Variants in SVOP observed in about 807,000 individuals in gnomAD.
SVOP encodes SV2 related protein.
SVOP carries 17 observed loss-of-function variants against 69.1 expected under a neutral mutation model. The observed-to-expected ratio is 0.25, with a 90% confidence interval of 0.17 to 0.37. SVOP has a LOEUF of 0.37. Among genes scored for constraint, SVOP ranks in the 10% least tolerant of loss-of-function variants. The pLI is 1.00. For missense variants in SVOP, 435 were observed against 597.5 expected (o/e 0.73, Z 2.84); for synonymous variants, 238 against 238.6 (o/e 1.00, Z 0.02).
At chr12:108,998,268 A>G (rs956749161) in intron 1 of SVOP, among the ~76,000 whole-genome samples, 2 of 151,354 alleles carry the variant, frequency 1.3e-5, no homozygotes, top group African/African-American at 4.8e-5. Context: ...AGAAAAAAGA[A>G]TAAAAAGAAA....
At chr12:108,926,176 C>T (rs985998166) in intron 11 of SVOP, among the ~76,000 whole-genome samples, 1 of 152,168 alleles carries the variant, frequency 6.6e-6, no homozygotes, top group Admixed American at 6.5e-5. Context: ...CCTCCTCGCC[C>T]TCCCAATTGC....
At chr12:108,936,670 T>A (rs952844438) in intron 10 of SVOP, among the ~76,000 whole-genome samples, 1 of 152,080 alleles carries the variant, frequency 6.6e-6, no homozygotes, top group African/African-American at 2.4e-5. Context: ...GAGACAGGGT[T>A]TTACCGTGTT....
At chr12:108,918,792 T>C (rs2039730021) in intron 13 of SVOP, among the ~76,000 whole-genome samples, 1 of 152,208 alleles carries the variant, frequency 6.6e-6, no homozygotes, top group South Asian at 2.1e-4. Context: ...TATAAATAGC[T>C]ACATTTATGA....
In SVOP at chr12:109,020,983, C is replaced by T; in HGVS notation, c.-115G>A. On this transcript the variant is annotated 5_prime_UTR_variant, in exon 1 of 16. Coordinates refer to ENST00000610966, the MANE Select transcript of SVOP (RefSeq NM_018711.5). ...GGACAGCACCCGCGCCGCTTCCTCC[C>T]TGGAGCAGCAGCTGTTCGGGGAGGG... The T allele has an allele frequency of 1.6e-6, 1 of 627,884 alleles. No individual in the cohort carries two copies. Among genetic ancestry groups the T allele is most frequent in the Non-Finnish European group, 2.9e-6 (1 of 339,226 alleles). The allele number at this position is 627,884 out of a possible 1,614,324, so 38.9% of individuals were successfully genotyped here.
At chr12:108,980,484 C>T (rs2040129337) in intron 2 of SVOP, among the ~76,000 whole-genome samples, 1 of 152,138 alleles carries the variant, frequency 6.6e-6, no homozygotes, top group South Asian at 2.1e-4. Context: ...TGTGGTGGCT[C>T]ACGCCTGAAA....
intron 6 of SVOP, among the ~76,000 whole-genome samples, chr12:108,959,895 C>T (rs2040007757): frequency 6.6e-6 from 1 of 152,236 alleles, no homozygotes; most frequent in Non-Finnish European, 1.5e-5. Flanking sequence ...TCCAGCTCCT[C>T]CACCACTTCC....
At chr12:108,990,715 A>C (rs2040195167) in intron 1 of SVOP, among the ~76,000 whole-genome samples, 1 of 152,104 alleles carries the variant, frequency 6.6e-6, no homozygotes, top group Non-Finnish European at 1.5e-5. Context: ...ATAAATAAAT[A>C]AACAAACAAA....
At chr12:109,002,691 A>T (rs2040279512) in intron 1 of SVOP, among the ~76,000 whole-genome samples, 1 of 151,850 alleles carries the variant, frequency 6.6e-6, no homozygotes, top group Admixed American at 6.6e-5. Context: ...CATCTTTCTC[A>T]GTAAACTACC....
intron 6 of SVOP, among the ~76,000 whole-genome samples, chr12:108,948,975 C>CA (rs1340102263): frequency 6.6e-6 from 1 of 152,130 alleles, no homozygotes; most frequent in Non-Finnish European, 1.5e-5. Flanking sequence ...AAATCGAAGT[C>CA]AAACTACTAA....
chr12:108,966,532 T>C (rs1389601738), intron 5 of SVOP, among the ~76,000 whole-genome samples: 3 of 93,248 alleles, frequency 3.2e-5, no homozygotes, highest in Non-Finnish European at 4.9e-5. Flanking sequence ...TTGCCAAGGC[T>C]TGCCAGCTGC....
chr12:108,912,818 T>C, intron 15 of SVOP, 77 bp from the exon 16 acceptor site: 1 of 1,401,068 alleles, frequency 7.1e-7, no homozygotes, highest in South Asian at 1.3e-5. Flanking sequence ...ATAGTATTAG[T>C]AACATCAGGC....
chr12:108,994,906 G>T (rs1311311086), intron 1 of SVOP, among the ~76,000 whole-genome samples: 1 of 152,180 alleles, frequency 6.6e-6, no homozygotes, highest in Non-Finnish European at 1.5e-5. Context: ...GGAGGCCAAG[G>T]TGAGAGAATT....
intron 6 of SVOP, among the ~76,000 whole-genome samples, chr12:108,960,320 A>G (rs1452878359): frequency 6.6e-6 from 1 of 152,272 alleles, no homozygotes; most frequent in African/African-American, 2.4e-5. Context: ...TCTCTGCTTC[A>G]GGGCCCATCA....
chr12:108,980,288 C>A (rs1039665348), intron 2 of SVOP, among the ~76,000 whole-genome samples: 1 of 152,088 alleles, frequency 6.6e-6, no homozygotes, highest in African/African-American at 2.4e-5. Flanking sequence ...TGGTGAAATC[C>A]GAATAAAGTC....
intron 4 of SVOP, 29 bp downstream of exon 4, chr12:108,977,369 C>T: frequency 6.5e-7 from 1 of 1,536,124 alleles, no homozygotes; most frequent in South Asian, 1.2e-5. Flanking sequence ...GAACTGTATG[C>T]AACAGAAGGG....
intron 1 of SVOP, among the ~76,000 whole-genome samples, chr12:108,996,042 AG>A (rs1271164716): frequency 6.6e-6 from 1 of 152,182 alleles, no homozygotes; most frequent in Non-Finnish European, 1.5e-5. Context: ...AAGGGTCAAC[AG>A]GGCAAGATTG....
At chr12:108,914,318 A>C (rs1262649159) in intron 15 of SVOP, among the ~76,000 whole-genome samples, 1 of 152,200 alleles carries the variant, frequency 6.6e-6, no homozygotes, top group Admixed American at 6.5e-5. Context: ...GCTGAATGCC[A>C]CTGAATTGTT....
chr12:108,934,345 A>T, intron 10 of SVOP, 74 bp from the exon 11 acceptor site: 1 of 1,303,812 alleles, frequency 7.7e-7, no homozygotes, highest in East Asian at 2.5e-5. Flanking sequence ...CCCCTTGGGA[A>T]GGGCCAATGT....
intron 1 of SVOP, among the ~76,000 whole-genome samples, chr12:108,997,244 TTTTCAGACCGGC>T: frequency 6.6e-6 from 1 of 152,302 alleles, no homozygotes; most frequent in South Asian, 2.1e-4. Context: ...AATATTGCGC[TTTTCAGACCGGC>T]TTAAAAAACG....
Sources: allele counts gnomAD v4.1 joint callset (sites outside exome capture counted in the v4.1 genomes callset), GRCh38; gene constraint gnomAD v4.1.1; transcripts MANE v1.5; gene names NCBI Gene and HGNC (gene_info 2026-07-23, HGNC 2026-07-21).